Variants in AGBL4 observed in about 807,000 individuals in gnomAD.
AGBL4 encodes the protein cytosolic carboxypeptidase 6.
Under a neutral mutation model 66.4 loss-of-function variants are expected in AGBL4, and 58 were observed. The observed-to-expected ratio is 0.87, with a 90% CI of 0.71 to 1.09. AGBL4 has a LOEUF of 1.09. Among genes scored for constraint, AGBL4 ranks in the 50% least tolerant of loss-of-function variants. The pLI is 0.00. For missense variants in AGBL4, 579 were observed against 631.0 expected (o/e 0.92, Z 0.88); for synonymous variants, 234 against 222.9 (o/e 1.05, Z -0.44).
chr1:49,749,243 A>G (rs1296794925), intron 2 of AGBL4, among the ~76,000 whole-genome samples: 1 of 152,138 alleles, frequency 6.6e-6, no homozygotes, highest in African/African-American at 2.4e-5. Context: ...CAGTTTTTGC[A>G]ACACAGTTTT....
At chr1:49,332,678 A>C (rs1183720847) in intron 3 of AGBL4, among the ~76,000 whole-genome samples, 4 of 152,256 alleles carry the variant, frequency 2.6e-5, no homozygotes, top group Non-Finnish European at 5.9e-5. Context: ...CATCAAGTTT[A>C]ACAAGCCAGT....
chr1:49,977,515 G>A (rs187751854), intron 1 of AGBL4, among the ~76,000 whole-genome samples: 73 of 152,316 alleles, frequency 4.8e-4, no homozygotes, highest in Admixed American at 2.5e-3. Context: ...AGGACCAGAC[G>A]GTATGTGAGG....
chr1:49,746,587 C>A (rs1467371517), intron 2 of AGBL4, among the ~76,000 whole-genome samples: 1 of 152,008 alleles, frequency 6.6e-6, no homozygotes, highest in Non-Finnish European at 1.5e-5. Flanking sequence ...TCCCAAGTAG[C>A]ACCATGACAT....
intron 6 of AGBL4, among the ~76,000 whole-genome samples, chr1:48,725,088 G>C (rs2148538472): frequency 6.6e-6 from 1 of 152,250 alleles, no homozygotes; most frequent in African/African-American, 2.4e-5. Context: ...AGGTGTTAGG[G>C]CAGAGTCTCA....
rs564356385 is a variant in AGBL4, at chr1:48,789,234, A to T, written c.634+77957T>A. Among the ~76,000 whole-genome samples, 15 of 151,548 alleles carry T rather than the reference A, an allele frequency of 9.9e-5. No homozygotes were observed. In the East Asian group the frequency reaches 2.9e-3, roughly 30 times the overall value. Reference sequence around the variant, plus strand: ...TGGGTGTGTTAATTCCCCATCACCAACTCCACATAGAAACTGGGAGGCTGT... The same window carrying T: ...TGGGTGTGTTAATTCCCCATCACCATCTCCACATAGAAACTGGGAGGCTGT... On this transcript the variant is annotated intron_variant, in intron 6 of 13. Coordinates refer to ENST00000371839, the MANE Select transcript of AGBL4 (RefSeq NM_032785.4).
At chr1:49,952,605 C>T (rs1280283471) in intron 1 of AGBL4, among the ~76,000 whole-genome samples, 1 of 151,854 alleles carries the variant, frequency 6.6e-6, no homozygotes, top group African/African-American at 2.4e-5. Context: ...CCTCTGACTC[C>T]AAAGCTCATA....
At chr1:49,880,269 G>A (rs1052876098) in intron 1 of AGBL4, among the ~76,000 whole-genome samples, 1 of 151,848 alleles carries the variant, frequency 6.6e-6, no homozygotes, top group Non-Finnish European at 1.5e-5. Flanking sequence ...TTTCTGTTCT[G>A]TTTTTTCCCC....
chr1:49,606,239 C>T (rs980419004), intron 3 of AGBL4, among the ~76,000 whole-genome samples: 5 of 152,060 alleles, frequency 3.3e-5, no homozygotes, highest in Admixed American at 6.6e-5. Context: ...ATTACTCTCT[C>T]CACAGGCGAG....
intron 6 of AGBL4, among the ~76,000 whole-genome samples, chr1:48,782,150 G>A (rs1048174558): frequency 7.9e-5 from 12 of 152,202 alleles, no homozygotes; most frequent in Non-Finnish European, 1.8e-4. Context: ...ACGCAAGTCT[G>A]GGGAGACAGA....
intron 11 of AGBL4, chr1:48,584,546 T>A (rs955166806): frequency 6.6e-6 from 1 of 152,152 alleles, no homozygotes; most frequent in Admixed American, 6.6e-5. Context: ...TAAAACCCCA[T>A]CTCTGCTAAA....
intron 4 of AGBL4, among the ~76,000 whole-genome samples, chr1:49,182,766 C>T (rs1243307008): frequency 6.6e-6 from 1 of 151,940 alleles, no homozygotes; most frequent in African/African-American, 2.4e-5. Context: ...TTATATCAGG[C>T]ACTGTGCTAG....
At chr1:49,818,876 C>G (rs541886991) in intron 2 of AGBL4, among the ~76,000 whole-genome samples, 1 of 152,120 alleles carries the variant, frequency 6.6e-6, no homozygotes, top group African/African-American at 2.4e-5. Flanking sequence ...CTTAAATCTT[C>G]CATTCCAAGT....
intron 5 of AGBL4, among the ~76,000 whole-genome samples, chr1:48,885,418 T>C (rs1650224941): frequency 6.6e-6 from 1 of 152,200 alleles, no homozygotes; most frequent in African/African-American, 2.4e-5. Flanking sequence ...GCTGATCTAC[T>C]AATCTAGTCC....
At chr1:49,939,364 T>G (rs1163286022) in intron 1 of AGBL4, among the ~76,000 whole-genome samples, 1 of 152,142 alleles carries the variant, frequency 6.6e-6, no homozygotes, top group Non-Finnish European at 1.5e-5. Context: ...TTAAAGTTCA[T>G]ATGGAACCAA....
chr1:49,490,260 C>G (rs1570851393), intron 3 of AGBL4, among the ~76,000 whole-genome samples: 1 of 151,750 alleles, frequency 6.6e-6, no homozygotes, highest in East Asian at 1.9e-4. Context: ...TTTTTTCATT[C>G]ATCTATTGAG....
chr1:49,733,272 G>C (rs1193364153), intron 2 of AGBL4, among the ~76,000 whole-genome samples: 1 of 152,172 alleles, frequency 6.6e-6, no homozygotes, highest in Non-Finnish European at 1.5e-5. Flanking sequence ...TGACATGCAA[G>C]AAATAATAAG....
chr1:48,978,770 A>G (rs1374888905), intron 5 of AGBL4, among the ~76,000 whole-genome samples: 1 of 152,196 alleles, frequency 6.6e-6, no homozygotes, highest in Non-Finnish European at 1.5e-5. Flanking sequence ...TGACCTAGTC[A>G]CATAGAAATA....
intron 4 of AGBL4, among the ~76,000 whole-genome samples, chr1:49,151,213 G>A (rs953568149): frequency 6.0e-5 from 9 of 149,564 alleles, no homozygotes; most frequent in Non-Finnish European, 1.3e-4. Flanking sequence ...AGCTTGCAGT[G>A]AGCCGAGATC....
intron 3 of AGBL4, among the ~76,000 whole-genome samples, chr1:49,639,410 G>C (rs577674329): frequency 3.3e-5 from 5 of 152,306 alleles, no homozygotes; most frequent in Non-Finnish European, 7.3e-5. Flanking sequence ...GAAATAGAAA[G>C]TGAGCTTCTC....
Sources: allele counts gnomAD v4.1 joint callset (sites outside exome capture counted in the v4.1 genomes callset), GRCh38; gene constraint gnomAD v4.1.1; transcripts MANE v1.5; gene names NCBI Gene and HGNC (gene_info 2026-07-23, HGNC 2026-07-21).